IGSF10: variants seen among roughly 807,000 people sequenced by gnomAD.
IGSF10 encodes calvaria mechanical force protein 608.
In IGSF10, 126 loss-of-function variants were observed where a neutral mutation model predicts 128.2. That is an observed-to-expected ratio of 0.98 (90% CI 0.85 to 1.14). The LOEUF (loss-of-function observed/expected upper bound fraction) is 1.14. IGSF10 is among the 50% of genes most tolerant of loss of function. IGSF10 has a pLI of 0.00. For synonymous variants in IGSF10, 1,185 were observed against 1,146.2 expected, an observed-to-expected ratio of 1.03 and a Z score of -0.68; for missense variants, 3,295 against 3,149.8, an observed-to-expected ratio of 1.05 and a Z score of -1.10.
the IGSF10 span, among the ~76,000 whole-genome samples, chr3:151,474,130 A>G: frequency 9.2e-5 from 14 of 152,188 alleles, no homozygotes; most frequent in Admixed American, 7.9e-4. Flanking sequence ...ATGACAACAT[A>G]CACATTCAAA....
the IGSF10 span, among the ~76,000 whole-genome samples, chr3:151,576,326 A>C: frequency 6.6e-6 from 1 of 152,106 alleles, no homozygotes; most frequent in Non-Finnish European, 1.5e-5. Flanking sequence ...CTGAAGTCAA[A>C]ATTGTGATTC....
chr3:151,538,245 C>T, the IGSF10 span, among the ~76,000 whole-genome samples: 10 of 152,162 alleles, frequency 6.6e-5, no homozygotes, highest in African/African-American at 2.4e-4. Flanking sequence ...ACCACCATAA[C>T]ACCAGAAACA....
chr3:151,505,946 TTCC>T, the IGSF10 span, among the ~76,000 whole-genome samples: 1 of 4,876 alleles, frequency 2.1e-4, no homozygotes, highest in African/African-American at 8.8e-4. Context: ...TTGCTTCTTC[TTCC>T]TTTTTTTTTT....
At chr3:151,499,889 T>C in the IGSF10 span, 1 of 152,164 alleles carries the variant, frequency 6.6e-6, no homozygotes, top group African/African-American at 2.4e-5. Context: ...CAAATTATCA[T>C]CAATTTATAA....
At chr3:151,611,088 G>A in the IGSF10 span, among the ~76,000 whole-genome samples, 1 of 152,150 alleles carries the variant, frequency 6.6e-6, no homozygotes, top group Admixed American at 6.6e-5. Flanking sequence ...AAAGGAAGAA[G>A]AAAATATTAA....
At position 151,445,363 on chromosome 3, in the gene IGSF10, G is replaced by A; in HGVS notation, c.4618C>T (p.His1540Tyr). 1 of 1,614,166 alleles carries A rather than the reference G, an allele frequency of 6.2e-7. No homozygotes were observed. Among genetic ancestry groups the A allele is most frequent in the African/African-American group, 1.3e-5 (1 of 75,050 alleles). ...TGTAACAGATTAGAGTAGATGAAGT[G>A]AGTGGTTCCAATTGTGAACTTGGCA... ...PNAKFTIGTTHFIYSNLLHST... is the reference protein window; with the variant it reads ...PNAKFTIGTTYFIYSNLLHST... The change falls in exon 6 of 8, where the codon CAC (histidine) becomes TAC (tyrosine). Residue 1540 changes from histidine to tyrosine, a missense_variant. His to Tyr is a moderately conservative substitution (Grantham distance 83). Coordinates refer to ENST00000282466, the MANE Select transcript of IGSF10 (RefSeq NM_178822.5).
chr3:151,589,016 A>G, the IGSF10 span, among the ~76,000 whole-genome samples: 2 of 152,228 alleles, frequency 1.3e-5, no homozygotes, highest in African/African-American at 2.4e-5. Flanking sequence ...GATATAATTT[A>G]GAAATCATAA....
the IGSF10 span, among the ~76,000 whole-genome samples, chr3:151,613,323 C>T: frequency 2.0e-5 from 3 of 152,192 alleles, no homozygotes; most frequent in South Asian, 6.2e-4. Context: ...GAAAAAACTA[C>T]TTTAAAGTTC....
At chr3:151,618,950 G>A in the IGSF10 span, among the ~76,000 whole-genome samples, 7 of 150,872 alleles carry the variant, frequency 4.6e-5, no homozygotes, top group Non-Finnish European at 7.4e-5. Flanking sequence ...CTCATACAAA[G>A]AAATACAAAT....
At chr3:151,610,976 A>T in the IGSF10 span, among the ~76,000 whole-genome samples, 1 of 152,210 alleles carries the variant, frequency 6.6e-6, no homozygotes, top group African/African-American at 2.4e-5. Flanking sequence ...GATACATTCA[A>T]ACCATAGCAC....
chr3:151,572,293 T>C, the IGSF10 span, among the ~76,000 whole-genome samples: 2 of 152,216 alleles, frequency 1.3e-5, no homozygotes, highest in African/African-American at 4.8e-5. Flanking sequence ...TCAGAAGGAA[T>C]GGTACCATCT....
rs1163086780 is a variant in IGSF10, at chr3:151,445,526, T to C, written c.4455A>G (p.Ala1485=). The change falls in exon 6 of 8, where the codon GCA becomes GCG. Residue 1485 remains alanine, a synonymous_variant. Transcript: ENST00000282466. ...TGGGAGTCGCCACGTTGTCAGTAACTGCTCTCTGAGTAAAGGGAGGGGAGA... is the reference window on the plus strand; with the variant it reads ...TGGGAGTCGCCACGTTGTCAGTAACCGCTCTCTGAGTAAAGGGAGGGGAGA... ...VPISPPFTQR[A]VTDNVATPIS... is the part of the protein sequence containing the mutation. 14 of 1,614,082 alleles carry C rather than the reference T, an allele frequency of 8.7e-6. No individual in the cohort carries two copies. The highest frequency in any genetic ancestry group is 9.3e-6 in the Non-Finnish European group (11 of 1,180,046).
chr3:151,567,515 T>C, the IGSF10 span, among the ~76,000 whole-genome samples: 79,759 of 151,916 alleles, frequency 0.53, 21,259 homozygotes, highest in East Asian at 0.72. Context: ...ATCTTGGGCC[T>C]CACAGATCTG....
chr3:151,507,445 T>C, the IGSF10 span, among the ~76,000 whole-genome samples: 1 of 152,180 alleles, frequency 6.6e-6, no homozygotes, highest in Non-Finnish European at 1.5e-5. Context: ...ATCTGTAAGA[T>C]ACTGAAATAT....
At chr3:151,542,167 C>A in the IGSF10 span, among the ~76,000 whole-genome samples, 1 of 152,106 alleles carries the variant, frequency 6.6e-6, no homozygotes, top group African/African-American at 2.4e-5. Context: ...CAAAACATTT[C>A]AAAATAAATC....
At chr3:151,598,830 G>A in the IGSF10 span, among the ~76,000 whole-genome samples, 2 of 152,158 alleles carry the variant, frequency 1.3e-5, no homozygotes, top group East Asian at 1.9e-4. Flanking sequence ...TAGTGAGTGG[G>A]TGATGGGCTC....
the IGSF10 span, among the ~76,000 whole-genome samples, chr3:151,514,736 T>C: frequency 2.6e-5 from 4 of 151,904 alleles, no homozygotes; most frequent in Non-Finnish European, 5.9e-5. Context: ...AGGGCTAATA[T>C]CCAGAATCTA....
the IGSF10 span, among the ~76,000 whole-genome samples, chr3:151,563,442 G>A: frequency 6.6e-6 from 1 of 152,130 alleles, no homozygotes; most frequent in African/African-American, 2.4e-5. Flanking sequence ...AGGACTCTAG[G>A]GAGAGAGTTC....
chr3:151,441,217 C>T lies in IGSF10; in HGVS notation c.5963+1767G>A, dbSNP rs956546766. On this transcript the variant is annotated intron_variant, in intron 7 of 7. Transcript: ENST00000282466. ...ACTGGAGATTGTGACATATAACAGA[C>T]AGAACTATTGATGTTTCTTTTTATA... 2.6e-5 allele frequency among the ~76,000 whole-genome samples: 4 copies of T among 152,146 alleles called. No homozygotes were observed. The East Asian group carries it at 7.7e-4, about 29-fold the overall frequency.
Sources: allele counts gnomAD v4.1 joint callset (sites outside exome capture counted in the v4.1 genomes callset), GRCh38; gene constraint gnomAD v4.1.1; transcripts MANE v1.5; gene names NCBI Gene and HGNC (gene_info 2026-07-23, HGNC 2026-07-21).